Variants in ZNF827 observed in about 807,000 individuals in gnomAD.
ZNF827 encodes zinc finger protein 827.
Under a neutral mutation model 102.4 loss-of-function variants are expected in ZNF827, and 13 were observed. The observed-to-expected ratio is 0.13, with a 90% CI of 0.08 to 0.20. The LOEUF (loss-of-function observed/expected upper bound fraction) is 0.20. Among genes scored for constraint, ZNF827 ranks in the 10% least tolerant of loss-of-function variants. The pLI, the probability that ZNF827 is intolerant of heterozygous loss-of-function variation, is 1.00. For missense variants in ZNF827, 1,103 were observed against 1,344.4 expected (o/e 0.82, Z 2.81); for synonymous variants, 523 against 536.2 (o/e 0.98, Z 0.34).
intron 7 of ZNF827, among the ~76,000 whole-genome samples, chr4:145,838,503 A>G (rs561682392): frequency 6.6e-6 from 1 of 152,328 alleles, no homozygotes; most frequent in South Asian, 2.1e-4. Context: ...ACGCGCATGA[A>G]AAGTCATTTT....
At chr4:145,862,147 G>A (rs974335445) in intron 5 of ZNF827, among the ~76,000 whole-genome samples, 1 of 152,202 alleles carries the variant, frequency 6.6e-6, no homozygotes, top group Non-Finnish European at 1.5e-5. Context: ...AAAATAAACA[G>A]AAGGGTGCTT....
At chr4:145,868,282 G>A (rs1748380661) in intron 5 of ZNF827, among the ~76,000 whole-genome samples, 2 of 152,178 alleles carry the variant, frequency 1.3e-5, no homozygotes, top group African/African-American at 4.8e-5. Flanking sequence ...CTAGACCACC[G>A]CATCTAAGGG....
intron 7 of ZNF827, among the ~76,000 whole-genome samples, chr4:145,826,102 C>T (rs566399081): frequency 7.2e-5 from 11 of 152,198 alleles, no homozygotes; most frequent in Non-Finnish European, 1.0e-4. Context: ...GCTCTGCATT[C>T]GGATCCGTTC....
chr4:145,813,205 C>T (rs1742220125), intron 8 of ZNF827, among the ~76,000 whole-genome samples: 1 of 152,166 alleles, frequency 6.6e-6, no homozygotes, highest in African/African-American at 2.4e-5. Context: ...AGCAGCCTCA[C>T]AGTACGTCAC....
At chr4:145,797,465 C>T (rs115648815) in intron 8 of ZNF827, among the ~76,000 whole-genome samples, 1,738 of 152,294 alleles carry the variant, frequency 0.011, 42 homozygotes, top group African/African-American at 0.04. Context: ...TGGTCACTCA[C>T]ATGAGTCTTA....
Position 145,760,737 on chromosome 4 carries a change from TGTCTTTTGTCTCTC to T in ZNF827, c.*865_*878del. The T allele has an allele frequency of 7.4e-6, 6 of 814,706 alleles. No homozygotes were observed. Among genetic ancestry groups the T allele is most frequent in the Admixed American group, 7.5e-5 (1 of 13,358 alleles). The allele number at this position is 814,706 out of a possible 1,614,324, so 50.5% of individuals were successfully genotyped here. ...GTTTTGTGGTTTTTTTTTTTTTTTT[TGTCTTTTGTCTCTC>T]TGTTTTTGGTACAGAACATGGCTGC... is the stretch of plus-strand genomic sequence containing the variant. On this transcript the variant is annotated 3_prime_UTR_variant, in exon 15 of 15. Coordinates refer to ENST00000508784, the MANE Select transcript of ZNF827 (RefSeq NM_001306215.2).
intron 11 of ZNF827, among the ~76,000 whole-genome samples, chr4:145,769,621 C>A (rs866251040): frequency 6.6e-6 from 1 of 152,200 alleles, no homozygotes. Flanking sequence ...AACAGCCTCT[C>A]CTGTTTCTGT....
At chr4:145,893,696 C>A (rs564629705) in intron 2 of ZNF827, among the ~76,000 whole-genome samples, 71 of 152,240 alleles carry the variant, frequency 4.7e-4, no homozygotes, top group African/African-American at 1.7e-3. Flanking sequence ...GGGCAGATAC[C>A]ATGTGCCTTC....
At position 145,846,008 on chromosome 4, in the gene ZNF827, C is replaced by T. The variant is rs761216134; in HGVS notation, c.2227G>A (p.Val743Met). ...TTTGTATGATTGTGCTCTTTGCTCA[C>T]TTTTTCTGTAAGGAGAAAGAATGAA... Reference protein sequence around the residue: ...SELLFQLSEKVSKEHNHTKEN... With the variant: ...SELLFQLSEKMSKEHNHTKEN... Residue 743 changes from valine (V) to methionine (M), a missense_variant, in exon 7 of 15, where the codon GTG becomes ATG. Val to Met is a conservative substitution (Grantham distance 21). Coordinates refer to ENST00000508784, the MANE Select transcript of ZNF827 (RefSeq NM_001306215.2). 6.2e-7 allele frequency: 1 copy of T among 1,614,128 alleles called. No individual in the cohort carries two copies. The highest frequency in any genetic ancestry group is 1.3e-5 in the African/African-American group (1 of 74,946).
intron 4 of ZNF827, among the ~76,000 whole-genome samples, chr4:145,872,634 T>C (rs1353203613): frequency 6.6e-6 from 1 of 152,100 alleles, no homozygotes; most frequent in East Asian, 1.9e-4. Flanking sequence ...CCCAGCACTT[T>C]GGGAGGCTGA....
At chr4:145,798,453 A>G (rs1740584294) in intron 8 of ZNF827, among the ~76,000 whole-genome samples, 1 of 152,160 alleles carries the variant, frequency 6.6e-6, no homozygotes, top group African/African-American at 2.4e-5. Flanking sequence ...ATCGCCTGAG[A>G]TCAGGAGTTC....
chr4:145,879,208 C>A (rs1173286253), intron 4 of ZNF827, among the ~76,000 whole-genome samples: 1 of 152,152 alleles, frequency 6.6e-6, no homozygotes, highest in African/African-American at 2.4e-5. Context: ...CTGTCCTTTG[C>A]AGCCGAAACC....
Position 145,763,020 on chromosome 4 carries a change from C to T in ZNF827, c.*17+70G>A. 7.0e-7 allele frequency: 1 copy of T among 1,420,326 alleles called. No homozygotes were observed. The highest frequency in any genetic ancestry group is 9.5e-7 in the Non-Finnish European group (1 of 1,048,548). The allele number at this position is 1,420,326 out of a possible 1,614,324, so 88.0% of individuals were successfully genotyped here. ...GAACCTCAGCTCACAGAAGAGTGCA[C>T]ACGAGAGAAATATAAAGCCCATTCC... On this transcript the variant is annotated intron_variant, in intron 14 of 14. Transcript: ENST00000508784. The surrounding 1 kb of genome is among the most constrained non-coding windows in gnomAD (Gnocchi z 4.6).
chr4:145,792,531 T>C (rs1739849425), intron 8 of ZNF827, among the ~76,000 whole-genome samples: 1 of 141,668 alleles, frequency 7.1e-6, no homozygotes, highest in Non-Finnish European at 1.5e-5. Context: ...AATAGATATA[T>C]AATTTTTTTT....
chr4:145,836,756 G>A (rs1482174812), intron 7 of ZNF827, among the ~76,000 whole-genome samples: 3 of 151,242 alleles, frequency 2.0e-5, no homozygotes, highest in South Asian at 2.1e-4. Flanking sequence ...AGGCCTAATC[G>A]CCACACACCA....
At chr4:145,824,404 TA>T (rs1743457470) in intron 7 of ZNF827, among the ~76,000 whole-genome samples, 2 of 152,326 alleles carry the variant, frequency 1.3e-5, no homozygotes, top group African/African-American at 4.8e-5. Context: ...CCTATTTATT[TA>T]CAACAGACGA....
chr4:145,919,067 G>A (rs1316673636), intron 1 of ZNF827, among the ~76,000 whole-genome samples: 1 of 151,940 alleles, frequency 6.6e-6, no homozygotes, highest in Admixed American at 6.6e-5. Flanking sequence ...ACCAGCCTGG[G>A]CAACATAGCA....
At chr4:145,766,045 T>G (rs567460637) in intron 11 of ZNF827, among the ~76,000 whole-genome samples, 18 of 152,358 alleles carry the variant, frequency 1.2e-4, no homozygotes, top group African/African-American at 4.3e-4. Flanking sequence ...GGAACTGTAT[T>G]ATACTTTAAA....
chr4:145,883,970 A>T (rs1462720948), intron 4 of ZNF827, among the ~76,000 whole-genome samples: 2 of 152,138 alleles, frequency 1.3e-5, no homozygotes, highest in Non-Finnish European at 2.9e-5. Context: ...TTTTCCCCAC[A>T]TGTTCAAAAA....
Sources: gnomAD v4.1 joint callset for allele counts (sites outside exome capture counted in the v4.1 genomes callset) on GRCh38, gnomAD v4.1.1 for gene constraint, Gnocchi (gnomAD v3.1) non-coding constraint, MANE v1.5 for transcripts, NCBI Gene and HGNC (gene_info 2026-07-23, HGNC 2026-07-21) for gene names.